The following TRIO variants were observed in gnomAD, a reference collection of about 807,000 sequenced individuals.
TRIO encodes trio Rho guanine nucleotide exchange factor, also known as triple functional domain protein.
A neutral mutation model predicts 351.9 loss-of-function variants in TRIO; 58 were observed. The ratio of observed to expected loss-of-function variants is 0.16; its 90% CI spans 0.13 to 0.21. The LOEUF (loss-of-function observed/expected upper bound fraction) is 0.21. Ranked by LOEUF, TRIO falls within the 10% of genes least tolerant of loss-of-function variation. The pLI is 1.00. For synonymous variants in TRIO, 1,758 were observed against 1,595.7 expected, an observed-to-expected ratio of 1.10 and a Z score of -2.42; for missense variants, 3,201 against 4,027.8, an observed-to-expected ratio of 0.79 and a Z score of 5.56.
At chr5:14,225,773 C>T (rs1792953511) in intron 1 of TRIO, among the ~76,000 whole-genome samples, 1 of 145,048 alleles carries the variant, frequency 6.9e-6, no homozygotes, top group Non-Finnish European at 1.5e-5. Context: ...CATGCTATCC[C>T]ATCATATTCA....
At chr5:14,212,088 A>G (rs1791942351) in intron 1 of TRIO, among the ~76,000 whole-genome samples, 1 of 152,140 alleles carries the variant, frequency 6.6e-6, no homozygotes, top group African/African-American at 2.4e-5. Context: ...ACAGTTAACT[A>G]TGATCCTGTC....
At chr5:14,285,583 A>G (rs181097579) in intron 3 of TRIO, among the ~76,000 whole-genome samples, 323 of 152,224 alleles carry the variant, frequency 2.1e-3, no homozygotes, top group Middle Eastern at 0.01. Flanking sequence ...GAGCCTATGT[A>G]AGAGCATGAA....
Position 14,316,595 on chromosome 5 carries a change from C to A in TRIO, c.1583C>A (p.Ala528Asp). 2 of 1,614,198 alleles carry A rather than the reference C, an allele frequency of 1.2e-6. No homozygotes were observed. The highest frequency in any genetic ancestry group is 1.7e-6 in the Non-Finnish European group (2 of 1,180,034). Residue 528 changes from alanine (A) to aspartate (D), a missense_variant, in exon 9 of 57, where the codon GCC (alanine) becomes GAC (aspartate). Physicochemically the swap from Ala to Asp is moderately radical, Grantham distance 126. This residue lies in a region of TRIO where 349 missense variants were observed against 449.3 expected (regional missense o/e 0.78). Transcript: ENST00000344204. ...AGCTCCGATTCCCTGACAGCCTCTGCCAACTACTCCAAGGCCGTGCACCAT... is the reference window on the plus strand; with the variant it reads ...AGCTCCGATTCCCTGACAGCCTCTGACAACTACTCCAAGGCCGTGCACCAT... The part of the protein sequence containing the change: ...PGSSDSLTAS[A>D]NYSKAVHHVL...
chr5:14,485,290 G>T (rs201424587), intron 47 of TRIO, 44 bp downstream of exon 47: 1 of 1,512,796 alleles, frequency 6.6e-7, no homozygotes, highest in South Asian at 1.3e-5. Context: ...CTTTCCTCGT[G>T]TACTCACTTG....
intron 1 of TRIO, among the ~76,000 whole-genome samples, chr5:14,218,084 A>G (rs1408707468): frequency 6.6e-6 from 1 of 152,166 alleles, no homozygotes; most frequent in Non-Finnish European, 1.5e-5. Context: ...AGTCTCGTTT[A>G]CCTTCCCAAA....
In TRIO at chr5:14,293,048, C is replaced by T; in HGVS notation, c.1090C>T (p.Leu364=). ...GATCACACACAACAAAGGCCTGTTT[C>T]TAAACAGCTACACAGAGATTGGGAC... ...DWITHNKGLF[L]NSYTEIGTSH... is the part of the protein sequence containing the mutation. The change falls in exon 6 of 57, where the codon CTA becomes TTA. Residue 364 remains leucine (L), a synonymous_variant. Coordinates refer to ENST00000344204, the MANE Select transcript of TRIO (RefSeq NM_007118.4). The T allele has an allele frequency of 1.2e-6, 2 of 1,614,168 alleles. No homozygotes were observed. The highest frequency in any genetic ancestry group is 1.7e-6 in the Non-Finnish European group (2 of 1,180,018).
intron 11 of TRIO, among the ~76,000 whole-genome samples, chr5:14,357,924 GCC>G (rs1743775521): frequency 6.6e-6 from 1 of 152,074 alleles, no homozygotes; most frequent in Admixed American, 6.5e-5. Context: ...TGACAGTGCT[GCC>G]CGCCGTTCGC....
At chr5:14,235,359 G>C (rs1793700819) in intron 1 of TRIO, among the ~76,000 whole-genome samples, 1 of 152,160 alleles carries the variant, frequency 6.6e-6, no homozygotes, top group South Asian at 2.1e-4. Context: ...GTTGAGTACA[G>C]TAAATAGCAT....
chr5:14,471,239 T>G (rs530823377), intron 37 of TRIO, 79 bp from the exon 38 acceptor site: 4 of 1,426,332 alleles, frequency 2.8e-6, no homozygotes, highest in South Asian at 1.7e-5. Flanking sequence ...TTTCTGACTT[T>G]GGGTATTTTC....
chr5:14,302,199 T>C (rs1737962909), intron 7 of TRIO, among the ~76,000 whole-genome samples: 1 of 152,242 alleles, frequency 6.6e-6, no homozygotes, highest in South Asian at 2.1e-4. Context: ...TATAGTGATA[T>C]GTTAATCTGA....
intron 48 of TRIO, chr5:14,489,264 G>A: frequency 6.4e-6 from 3 of 469,264 alleles, no homozygotes; most frequent in South Asian, 3.4e-5. Flanking sequence ...ACTATTTTTT[G>A]TTATGTATTT....
intron 34 of TRIO, among the ~76,000 whole-genome samples, chr5:14,430,570 A>G (rs759729970): frequency 3.9e-5 from 6 of 152,158 alleles, no homozygotes; most frequent in Non-Finnish European, 8.8e-5. Flanking sequence ...CAAGAGATAC[A>G]TTCACAAGGC....
intron 18 of TRIO, among the ~76,000 whole-genome samples, chr5:14,373,117 C>G (rs541087859): frequency 6.6e-6 from 1 of 152,138 alleles, no homozygotes; most frequent in East Asian, 1.9e-4. Flanking sequence ...AGTTGCTGCA[C>G]GAGAACAGCA....
At chr5:14,297,545 C>T (rs1737467082) in intron 7 of TRIO, 1 of 310,754 alleles carries the variant, frequency 3.2e-6, no homozygotes, top group Non-Finnish European at 6.1e-6. Flanking sequence ...GCTAGGTGCC[C>T]TACACAGTGC....
intron 39 of TRIO, among the ~76,000 whole-genome samples, chr5:14,472,984 C>A (rs188324611): frequency 2.0e-5 from 3 of 152,204 alleles, no homozygotes; most frequent in African/African-American, 7.2e-5. Flanking sequence ...AGGAATCTTG[C>A]CTTAATTGTA....
chr5:14,357,935 G>A (rs891880232), intron 11 of TRIO, among the ~76,000 whole-genome samples: 3 of 151,990 alleles, frequency 2.0e-5, no homozygotes, highest in South Asian at 2.1e-4. Flanking sequence ...CCCGCCGTTC[G>A]CCTGTTTATT....
At chr5:14,341,874 G>C (rs1741966936) in intron 11 of TRIO, among the ~76,000 whole-genome samples, 1 of 152,202 alleles carries the variant, frequency 6.6e-6, no homozygotes, top group African/African-American at 2.4e-5. Flanking sequence ...TTAAGTAAAG[G>C]AAGCCTCTTG....
chr5:14,170,975 T>C (rs1036708423), intron 1 of TRIO, among the ~76,000 whole-genome samples: 1 of 152,204 alleles, frequency 6.6e-6, no homozygotes, highest in African/African-American at 2.4e-5. Flanking sequence ...ATATTAACAA[T>C]GTATAAGTAA....
In TRIO at chr5:14,349,194, A is replaced by G. The variant is rs180786957; in HGVS notation, c.2047-8984A>G. Among the ~76,000 whole-genome samples, 319 of 131,726 alleles carry G rather than the reference A, an allele frequency of 2.4e-3. 1 individual carries two copies. Among genetic ancestry groups the G allele is most frequent in the Non-Finnish European group, 2.9e-3 (183 of 63,396 alleles). The allele number at this position is 131,726 out of a possible 152,430, so 86.4% of individuals were successfully genotyped here. A position where few individuals can be genotyped will look rare whatever the true frequency, so the allele number is the denominator to read the frequency against. ...GCATGTGTGTTTTTCCTGTGTGTAT[A>G]TGTGTGCACACACATGATCATGTGT... On this transcript the variant is annotated intron_variant, in intron 11 of 56. Coordinates refer to ENST00000344204, the MANE Select transcript of TRIO (RefSeq NM_007118.4).
Sources: allele counts gnomAD v4.1 joint callset (sites outside exome capture counted in the v4.1 genomes callset), GRCh38; gene constraint gnomAD v4.1.1; regional missense constraint gnomAD v4.1.1; transcripts MANE v1.5; gene names NCBI Gene and HGNC (gene_info 2026-07-23, HGNC 2026-07-21).